LNPEP: variants seen among roughly 807,000 people sequenced by gnomAD.
The protein encoded by LNPEP is leucyl and cystinyl aminopeptidase, also known as leucyl-cystinyl aminopeptidase.
LNPEP carries 64 observed loss-of-function variants against 120.6 expected under a neutral mutation model. That is an observed-to-expected ratio of 0.53 (90% CI 0.43 to 0.65). LNPEP has a LOEUF of 0.65. LNPEP is among the 30% of genes least tolerant of loss of function. The pLI is 0.00. For missense variants in LNPEP, 1,057 were observed against 1,200.0 expected (o/e 0.88, Z 1.76); for synonymous variants, 435 against 425.4 (o/e 1.02, Z -0.28).
rs543199261 is a variant in LNPEP at position 96,944,911 on chromosome 5, A to C, written c.19+8737A>C. ...TGATTGGCAGTTGGTCGAAATAATT[A>C]AGTTATTATCTAAAGACCTGGAATC... On this transcript the variant is annotated intron_variant, in intron 1 of 17. Transcript: ENST00000231368. 7.9e-5 allele frequency among the ~76,000 whole-genome samples: 12 copies of C among 151,618 alleles called. No homozygotes were observed. In the South Asian group the frequency reaches 1.9e-3, roughly 24 times the overall value.
At chr5:97,009,869 G>C (rs181508636) in intron 11 of LNPEP, among the ~76,000 whole-genome samples, 131 of 152,106 alleles carry the variant, frequency 8.6e-4, no homozygotes, top group Admixed American at 7.1e-3. Context: ...TAGCAGAGAG[G>C]GTGACTTCAG....
At chr5:97,003,813 A>G (rs556418338) in intron 9 of LNPEP, among the ~76,000 whole-genome samples, 1 of 149,416 alleles carries the variant, frequency 6.7e-6, no homozygotes, top group Non-Finnish European at 1.5e-5. Context: ...CTTAACTTCT[A>G]TTCCTATTTT....
rs11953056 is a variant in LNPEP at position 96,985,690 on chromosome 5, G to T, written c.999+472G>T. Among the ~76,000 whole-genome samples, 802 of 152,072 alleles carry T rather than the reference G, an allele frequency of 5.3e-3. 11 individuals carry two copies. The highest frequency in any genetic ancestry group is 0.018 in the African/African-American group (747 of 41,504). On this transcript the variant is annotated intron_variant, in intron 3 of 17. Transcript: ENST00000231368. ...CTTAGATGTTAGCTCTGTGTGGGAT[G>T]CAGTGAGGGTGAAACCAATAATTGT... is the stretch of plus-strand genomic sequence containing the variant.
chr5:96,963,550 C>G (rs1296488823), intron 1 of LNPEP, among the ~76,000 whole-genome samples: 2 of 152,140 alleles, frequency 1.3e-5, no homozygotes, highest in Admixed American at 1.3e-4. Flanking sequence ...TAGATTTCTT[C>G]TCATGGGGCT....
At chr5:96,971,061 T>C (rs1271119480) in intron 1 of LNPEP, among the ~76,000 whole-genome samples, 1 of 152,084 alleles carries the variant, frequency 6.6e-6, no homozygotes, top group Non-Finnish European at 1.5e-5. Flanking sequence ...GGAAAATGTG[T>C]TCTAAATGAA....
chr5:96,951,284 A>C (rs988481573), intron 1 of LNPEP, among the ~76,000 whole-genome samples: 1 of 150,890 alleles, frequency 6.6e-6, no homozygotes, highest in Non-Finnish European at 1.5e-5. Flanking sequence ...CGGGGGACAG[A>C]GTCTTGCTCT....
intron 1 of LNPEP, among the ~76,000 whole-genome samples, chr5:96,948,120 C>CTTTTTTT (rs769737708): frequency 7.0e-6 from 1 of 142,708 alleles, no homozygotes; most frequent in African/African-American, 2.6e-5. Flanking sequence ...ACAAATTTCT[C>CTTTTTTT]TTTTTTTTTT....
intron 16 of LNPEP, 139 bp downstream of exon 16, chr5:97,026,896 C>G (rs563256523): frequency 9.2e-6 from 6 of 648,900 alleles, no homozygotes; most frequent in Non-Finnish European, 1.6e-5. Context: ...CTGAAACATC[C>G]GGAAATTTTC....
chr5:97,010,686 C>T (rs1790904666), intron 11 of LNPEP: 3 of 985,100 alleles, frequency 3.0e-6, no homozygotes, highest in South Asian at 9.4e-5. Context: ...TGGGCTTCTG[C>T]CATTTAATAT....
rs1188091747 is a variant in LNPEP, at chr5:97,032,717, T to C, written c.*4184T>C. ...TACAGATGTTTTTGCTATTTTGTGT[T>C]ATTTCATTTTGTATTTCATTCATCC... On this transcript the variant is annotated 3_prime_UTR_variant, in exon 18 of 18. Transcript: ENST00000231368. 1 of 152,224 alleles carries C rather than the reference T, an allele frequency of 6.6e-6. No individual in the cohort carries two copies. The highest frequency in any genetic ancestry group is 1.5e-5 in the Non-Finnish European group (1 of 68,038). The allele number at this position is 152,224 out of a possible 1,614,324, so 9.4% of individuals were successfully genotyped here. A position where few individuals can be genotyped will look rare whatever the true frequency, so the allele number is the denominator to read the frequency against.
intron 13 of LNPEP, among the ~76,000 whole-genome samples, chr5:97,019,823 T>C (rs1791148864): frequency 6.6e-6 from 1 of 152,210 alleles, no homozygotes; most frequent in African/African-American, 2.4e-5. Context: ...TTGAATTTCT[T>C]TTGTTCTCCA....
chr5:96,986,461 A>G lies in LNPEP; in HGVS notation c.1000-78A>G. 3 of 1,391,126 alleles carry G rather than the reference A, an allele frequency of 2.2e-6. 1 individual carries two copies. Among genetic ancestry groups the G allele is most frequent in the South Asian group, 2.6e-5 (2 of 77,728 alleles). 86.2% of individuals were successfully genotyped at this position (1,391,126 alleles called of 1,614,324 possible). On this transcript the variant is annotated intron_variant, in intron 3 of 17. Coordinates refer to ENST00000231368, the MANE Select transcript of LNPEP (RefSeq NM_005575.3). ...TCTTTACCATTTATTTCCTATTTGA[A>G]TTTTCAGTTTCTCAGTTTGTTTGTT...
intron 1 of LNPEP, among the ~76,000 whole-genome samples, chr5:96,976,388 G>A (rs970832704): frequency 1.1e-4 from 17 of 152,060 alleles, no homozygotes; most frequent in African/African-American, 4.1e-4. Flanking sequence ...TTGGATTTAG[G>A]CAGGCATCTG....
rs1031252007 is a variant in LNPEP at position 97,034,494 on chromosome 5, A to G, written c.*5961A>G. 2.0e-5 allele frequency: 3 copies of G among 148,030 alleles called. No homozygotes were observed. Among genetic ancestry groups the G allele is most frequent in the Non-Finnish European group, 4.5e-5 (3 of 66,902 alleles). The allele number at this position is 148,030 out of a possible 1,614,324, so 9.2% of individuals were successfully genotyped here. A position where few individuals can be genotyped will look rare whatever the true frequency, so the allele number is the denominator to read the frequency against. On this transcript the variant is annotated 3_prime_UTR_variant, in exon 18 of 18. Transcript: ENST00000231368. ...ATATAAAAGTTTGCTAGTTGTTGTT[A>G]TTGTTGTTCTTTCACTCTCAACACA...
At chr5:97,008,950 C>T (rs1268748295) in intron 11 of LNPEP, among the ~76,000 whole-genome samples, 2 of 152,010 alleles carry the variant, frequency 1.3e-5, no homozygotes, top group Admixed American at 1.3e-4. Flanking sequence ...CTGTGCCCAC[C>T]CTCCTCTTTA....
At chr5:96,949,243 G>A (rs368650212) in intron 1 of LNPEP, among the ~76,000 whole-genome samples, 2 of 152,232 alleles carry the variant, frequency 1.3e-5, no homozygotes, top group African/African-American at 4.8e-5. Flanking sequence ...GCATGTCAAG[G>A]ACCATGCTAG....
At chr5:96,997,530 CTGTT>C (rs1352399719) in intron 7 of LNPEP, among the ~76,000 whole-genome samples, 2 of 152,012 alleles carry the variant, frequency 1.3e-5, no homozygotes, top group South Asian at 2.1e-4. Flanking sequence ...AGAATTATTT[CTGTT>C]TAAGAGTTAC....
At chr5:96,946,863 T>G (rs1255843627) in intron 1 of LNPEP, among the ~76,000 whole-genome samples, 16 of 152,228 alleles carry the variant, frequency 1.1e-4, no homozygotes, top group Admixed American at 1.0e-3. Flanking sequence ...ATTCACCAAC[T>G]GAGATTTCTT....
At chr5:96,978,542 C>A (rs1053997857) in intron 1 of LNPEP, among the ~76,000 whole-genome samples, 5 of 152,220 alleles carry the variant, frequency 3.3e-5, no homozygotes, top group Admixed American at 3.3e-4. Context: ...AAACAATAAC[C>A]CATCCTGTTG....
Sources: allele counts gnomAD v4.1 joint callset (sites outside exome capture counted in the v4.1 genomes callset), GRCh38; gene constraint gnomAD v4.1.1; transcripts MANE v1.5; gene names NCBI Gene and HGNC (gene_info 2026-07-23, HGNC 2026-07-21).